The following YTHDC2 variants were observed in gnomAD, a reference collection of about 807,000 sequenced individuals.
YTHDC2 encodes 3'-5' RNA helicase YTHDC2.
In YTHDC2, 45 loss-of-function variants were observed where a neutral mutation model predicts 174.9. The observed-to-expected ratio is 0.26, with a 90% CI of 0.20 to 0.33. The LOEUF is 0.33. Ranked by LOEUF, YTHDC2 falls within the 10% of genes least tolerant of loss-of-function variation. YTHDC2 has a pLI of 1.00. For synonymous variants in YTHDC2, 657 were observed against 574.5 expected (o/e 1.14, Z -2.05); for missense variants, 1,650 against 1,723.7 (o/e 0.96, Z 0.76).
At chr5:113,585,875 G>A (rs1167730956) in intron 26 of YTHDC2, among the ~76,000 whole-genome samples, 6 of 151,784 alleles carry the variant, frequency 4.0e-5, no homozygotes, top group Non-Finnish European at 8.8e-5. Context: ...ACTATGGTTG[G>A]TTTTTCCATT....
At chr5:113,543,120 T>C (rs1007472296) in intron 10 of YTHDC2, among the ~76,000 whole-genome samples, 6 of 152,194 alleles carry the variant, frequency 3.9e-5, no homozygotes, top group Non-Finnish European at 5.9e-5. Flanking sequence ...TAAATATCTA[T>C]TTTAAATGAC....
Position 113,553,933 on chromosome 5 carries a change from T to C in YTHDC2, c.2053-9T>C. 6.3e-7 allele frequency: 1 copy of C among 1,581,612 alleles called. No homozygotes were observed. The highest frequency in any genetic ancestry group is 1.2e-5 in the South Asian group (1 of 84,238). On this transcript the variant is annotated splice_polypyrimidine_tract_variant and intron_variant, in intron 15 of 29. Coordinates refer to ENST00000161863, the MANE Select transcript of YTHDC2 (RefSeq NM_022828.5). ...TTTTTATTAACTTTAAAGTAATATC[T>C]TGTTGCAGATTCTTTCCACCAATAT...
chr5:113,538,652 C>T (rs1775245839), intron 7 of YTHDC2, among the ~76,000 whole-genome samples: 1 of 151,946 alleles, frequency 6.6e-6, no homozygotes, highest in Non-Finnish European at 1.5e-5. Context: ...TGTCAAATCC[C>T]CCGTTACATA....
At chr5:113,589,713 CAG>C (rs1778908176) in intron 26 of YTHDC2, among the ~76,000 whole-genome samples, 1 of 152,002 alleles carries the variant, frequency 6.6e-6, no homozygotes, top group Non-Finnish European at 1.5e-5. Flanking sequence ...GCCTGTATGA[CAG>C]AGTGAGACCC....
chr5:113,559,511 A>C (rs936720056), intron 17 of YTHDC2, among the ~76,000 whole-genome samples: 1 of 152,224 alleles, frequency 6.6e-6, no homozygotes, highest in Non-Finnish European at 1.5e-5. Context: ...GATAAAGCCC[A>C]TAGCACCAGA....
chr5:113,536,789 AT>A (rs1380156478), intron 7 of YTHDC2, among the ~76,000 whole-genome samples: 3 of 152,120 alleles, frequency 2.0e-5, no homozygotes, highest in African/African-American at 7.2e-5. Context: ...TTTTATATAT[AT>A]TTGTTCTTCA....
Position 113,577,255 on chromosome 5 carries a change from A to G in YTHDC2, c.3245-2331A>G, listed in dbSNP as rs188824235. 2.8e-3 allele frequency among the ~76,000 whole-genome samples: 420 copies of G among 152,236 alleles called. 3 individuals are homozygous for G. Among genetic ancestry groups the G allele is most frequent in the African/African-American group, 9.4e-3 (391 of 41,546 alleles). On this transcript the variant is annotated intron_variant, in intron 23 of 29. Coordinates refer to ENST00000161863, the MANE Select transcript of YTHDC2 (RefSeq NM_022828.5). ...GTAGAAGCTCTAGCTGTAACTCTTTACTGCCTTTCTGTTATTGAGCTATTG... is the reference window on the plus strand; with the variant it reads ...GTAGAAGCTCTAGCTGTAACTCTTTGCTGCCTTTCTGTTATTGAGCTATTG...
chr5:113,531,203 C>T (rs1409947492), intron 4 of YTHDC2, among the ~76,000 whole-genome samples: 24 of 152,096 alleles, frequency 1.6e-4, no homozygotes, highest in Non-Finnish European at 2.9e-5. Flanking sequence ...ATTTATGCTT[C>T]TGTATGCTGG....
At chr5:113,570,435 G>GA (rs1391289341) in intron 23 of YTHDC2, among the ~76,000 whole-genome samples, 1 of 152,006 alleles carries the variant, frequency 6.6e-6, no homozygotes, top group African/African-American at 2.4e-5. Flanking sequence ...TTGCAATTGT[G>GA]AATGTGAATT....
Position 113,553,871 on chromosome 5 carries a change from CTT to C in YTHDC2, c.2052+18_2052+19del. On this transcript the variant is annotated intron_variant, in intron 15 of 29. Coordinates refer to ENST00000161863, the MANE Select transcript of YTHDC2 (RefSeq NM_022828.5). ...CGAAAAATAGTAAGCTTCATAAAAT[CTT>C]CTTTTTAACACTTTCATTAGTTATT... 1.0e-6 allele frequency: 1 copy of C among 1,000,182 alleles called. No individual in the cohort carries two copies. Among genetic ancestry groups the C allele is most frequent in the Non-Finnish European group, 1.3e-6 (1 of 772,552 alleles). The allele number at this position is 1,000,182 out of a possible 1,614,324, so 62.0% of individuals were successfully genotyped here. A position where few individuals can be genotyped will look rare whatever the true frequency, so the allele number is the denominator to read the frequency against.
rs1169977013 is a variant in YTHDC2, at chr5:113,556,034, A to G, written c.2134-18A>G. 5.5e-6 allele frequency: 8 copies of G among 1,450,218 alleles called. No individual in the cohort carries two copies. Among genetic ancestry groups the G allele is most frequent in the African/African-American group, 2.8e-5 (2 of 71,334 alleles). 89.8% of individuals were successfully genotyped at this position (1,450,218 alleles called of 1,614,324 possible). ...ATACCTTTTATATTCTAACATAAAG[A>G]TGGTTTAAATATTACAGAAATCCTT... On this transcript the variant is annotated intron_variant, in intron 16 of 29. Transcript: ENST00000161863.
intron 19 of YTHDC2, 88 bp from the exon 20 acceptor site, chr5:113,563,771 T>G: frequency 2.1e-6 from 3 of 1,442,656 alleles, no homozygotes; most frequent in Non-Finnish European, 2.8e-6. Context: ...AAATCTATAT[T>G]CTTATTTCTC....
chr5:113,561,964 GTGT>G (rs1777016429), intron 18 of YTHDC2, among the ~76,000 whole-genome samples: 1 of 90,084 alleles, frequency 1.1e-5, no homozygotes, highest in Non-Finnish European at 2.4e-5. Context: ...GTGGGTGTGT[GTGT>G]GTGTGTGTGT....
intron 23 of YTHDC2, among the ~76,000 whole-genome samples, chr5:113,574,994 C>G (rs1312728627): frequency 6.6e-6 from 1 of 152,210 alleles, no homozygotes; most frequent in Admixed American, 6.5e-5. Context: ...TCCTTTTGCT[C>G]TGTGCTGCTC....
chr5:113,534,113 A>C (rs1050169309), intron 5 of YTHDC2, among the ~76,000 whole-genome samples, 192 bp from the exon 6 acceptor site: 5 of 152,186 alleles, frequency 3.3e-5, no homozygotes, highest in Non-Finnish European at 7.4e-5. Flanking sequence ...TACATCATTT[A>C]ATATAAAAGG....
At chr5:113,551,496 A>T (rs1165340195) in intron 12 of YTHDC2, among the ~76,000 whole-genome samples, 1 of 152,162 alleles carries the variant, frequency 6.6e-6, no homozygotes, top group Non-Finnish European at 1.5e-5. Flanking sequence ...TTTATGTGTT[A>T]AAAATTAAAA....
intron 2 of YTHDC2, among the ~76,000 whole-genome samples, chr5:113,518,239 G>A (rs1773615346): frequency 6.7e-6 from 1 of 149,650 alleles, no homozygotes; most frequent in African/African-American, 2.5e-5. Context: ...TGTCACCCAG[G>A]CTTTAGTGCA....
Position 113,545,728 on chromosome 5 carries a change from A to ATT in YTHDC2, c.1496-2784_1496-2783dup, listed in dbSNP as rs1159754942. Among the ~76,000 whole-genome samples the ATT allele has an allele frequency of 1.3e-3, 65 of 49,480 alleles. 10 individuals carry two copies. The highest frequency in any genetic ancestry group is 2.7e-3 in the South Asian group (5 of 1,862). The allele number at this position is 49,480 out of a possible 152,430, so 32.5% of individuals were successfully genotyped here. A position where few individuals can be genotyped will look rare whatever the true frequency, so the allele number is the denominator to read the frequency against. Reference sequence around the variant, plus strand: ...ATTTTTTGAAAAATAATTGATCTCCATTTTTTTTTTTTTTTTTTTTTTTTT... The same window carrying ATT: ...ATTTTTTGAAAAATAATTGATCTCCATTTTTTTTTTTTTTTTTTTTTTTTTTT... On this transcript the variant is annotated intron_variant, in intron 10 of 29. Coordinates refer to ENST00000161863, the MANE Select transcript of YTHDC2 (RefSeq NM_022828.5).
intron 2 of YTHDC2, among the ~76,000 whole-genome samples, chr5:113,523,829 A>C (rs1424132564): frequency 1.3e-5 from 2 of 152,102 alleles, no homozygotes; most frequent in Non-Finnish European, 2.9e-5. Flanking sequence ...AAAATTAGAA[A>C]AATTATAAAA....
Sources: gnomAD v4.1 joint callset for allele counts (sites outside exome capture counted in the v4.1 genomes callset) on GRCh38, gnomAD v4.1.1 for gene constraint, MANE v1.5 for transcripts, NCBI Gene and HGNC (gene_info 2026-07-23, HGNC 2026-07-21) for gene names.